Variants in NOSIP observed in about 807,000 individuals in gnomAD.
NOSIP encodes the protein nitric oxide synthase interacting protein, also known as nitric oxide synthase-interacting protein.
Under a neutral mutation model 36.4 loss-of-function variants are expected in NOSIP, and 25 were observed. The observed-to-expected ratio is 0.69, with a 90% confidence interval of 0.50 to 0.96. The LOEUF is 0.96. NOSIP is among the 40% of genes least tolerant of loss of function. The probability of loss-of-function intolerance (pLI) is 0.00; values close to 1 mark genes in which losing one functional copy is unlikely to be tolerated. For synonymous variants in NOSIP, 187 were observed against 179.2 expected, an observed-to-expected ratio of 1.04 and a Z score of -0.35; for missense variants, 370 against 429.0, an observed-to-expected ratio of 0.86 and a Z score of 1.21.
At chr19:49,558,593 A>G in intron 4 of NOSIP, 1 of 328,180 alleles carries the variant, frequency 3.0e-6, no homozygotes, top group Non-Finnish European at 5.8e-6. Flanking sequence ...CCTAAGCTAC[A>G]GGGTGGGAAA....
intron 1 of NOSIP, among the ~76,000 whole-genome samples, chr19:49,575,055 G>T (rs577286186): frequency 6.6e-6 from 1 of 152,054 alleles, no homozygotes; most frequent in Non-Finnish European, 1.5e-5. Context: ...AGTAGAGAGG[G>T]GGTTTCACCA....
At chr19:49,579,758 C>T (rs1032205717) in intron 1 of NOSIP, among the ~76,000 whole-genome samples, 2 of 152,030 alleles carry the variant, frequency 1.3e-5, no homozygotes, top group African/African-American at 2.4e-5. Flanking sequence ...ATGATGCCTA[C>T]GATTTGTTTT....
intron 1 of NOSIP, among the ~76,000 whole-genome samples, chr19:49,574,773 G>T (rs2080528950): frequency 6.6e-6 from 1 of 152,058 alleles, no homozygotes; most frequent in South Asian, 2.1e-4. Context: ...GAGTGCAGCG[G>T]CGGATCTCGC....
intron 1 of NOSIP, chr19:49,579,330 G>A (rs67546213): frequency 0.17 from 26,025 of 152,156 alleles, 2,422 homozygotes; most frequent in South Asian, 0.3. Context: ...GGTTTGGATT[G>A]AGCTCCTGCA....
At chr19:49,576,287 G>A (rs1432241948) in intron 1 of NOSIP, among the ~76,000 whole-genome samples, 1 of 151,922 alleles carries the variant, frequency 6.6e-6, no homozygotes, top group African/African-American at 2.4e-5. Context: ...GAACTCACGA[G>A]TTCAAGACCA....
In NOSIP at chr19:49,555,820, G is replaced by A. The variant is rs776589503; in HGVS notation, c.837C>T (p.Gly279=). The change falls in exon 9 of 9, where the codon GGC becomes GGT. Residue 279 remains glycine (G), a splice_region_variant and synonymous_variant. Coordinates refer to ENST00000596358, the MANE Select transcript of NOSIP (RefSeq NM_001270960.2). ...CTCCGGAGCCCGCGAAGCCGGTACC[G>A]CCCTGGGGGAGGTAGAGAGAAGGAC... ...TDRDIIVLQR[G]GTGFAGSGVK... is the part of the protein sequence containing the mutation. The A allele has an allele frequency of 3.7e-6, 6 of 1,612,432 alleles. No individual in the cohort carries two copies. The African/African-American group carries it at 5.3e-5, about 14-fold the overall frequency.
At chr19:49,555,850 T>TA in intron 8 of NOSIP, 28 bp from the exon 9 acceptor site, 1 of 1,587,852 alleles carries the variant, frequency 6.3e-7, no homozygotes, top group South Asian at 1.1e-5. Context: ...AAGGACGAGG[T>TA]AGAGGCCGGC....
At chr19:49,562,502 G>T (rs1324104089) in intron 1 of NOSIP, among the ~76,000 whole-genome samples, 1 of 152,108 alleles carries the variant, frequency 6.6e-6, no homozygotes, top group Non-Finnish European at 1.5e-5. Flanking sequence ...ACTTTGGGAG[G>T]CTGAAGCAAG....
intron 1 of NOSIP, among the ~76,000 whole-genome samples, chr19:49,572,668 A>T (rs1304429606): frequency 4.8e-5 from 1 of 21,000 alleles, no homozygotes; most frequent in East Asian, 1.2e-3. Flanking sequence ...CATTGGAGAT[A>T]CTTTAAAATA....
intron 1 of NOSIP, chr19:49,579,162 C>A (rs2080592169): frequency 6.6e-6 from 1 of 152,064 alleles, no homozygotes; most frequent in African/African-American, 2.4e-5. Context: ...TCCAACAAAC[C>A]CACAGTTACA....
At chr19:49,568,173 T>C (rs2080435594) in intron 1 of NOSIP, among the ~76,000 whole-genome samples, 1 of 152,112 alleles carries the variant, frequency 6.6e-6, no homozygotes, top group Non-Finnish European at 1.5e-5. Context: ...GAGAGAACAG[T>C]TTCACACGGG....
intron 3 of NOSIP, chr19:49,559,725 GAAGT>G (rs1599747645): frequency 5.1e-6 from 3 of 584,556 alleles, no homozygotes; most frequent in African/African-American, 3.7e-5. Context: ...CACCCCATTA[GAAGT>G]ATGTTCCTTT....
intron 1 of NOSIP, among the ~76,000 whole-genome samples, chr19:49,567,503 C>T (rs907702342): frequency 6.6e-6 from 1 of 152,062 alleles, no homozygotes; most frequent in Non-Finnish European, 1.5e-5. Flanking sequence ...CATGAGAGAG[C>T]CACTCCTCAC....
Position 49,556,962 on chromosome 19 carries a change from A to C in NOSIP, c.450T>G (p.Pro150=). The stretch of plus-strand genomic sequence containing the variant: ...GCACTTTGTCCTTGTCCTTACTTGG[A>C]GGACCCACACTGGGCCCAGGTTGGA... ...DDVQPGPSVG[P]PSKDKDKVLP... is the part of the protein sequence containing the mutation. The change falls in exon 6 of 9, where the codon CCT becomes CCG. Residue 150 remains proline (P), a synonymous_variant. Transcript: ENST00000596358. 1 of 1,611,986 alleles carries C rather than the reference A, an allele frequency of 6.2e-7. No individual in the cohort carries two copies. The highest frequency in any genetic ancestry group is 1.3e-5 in the African/African-American group (1 of 74,988).
intron 8 of NOSIP, 107 bp downstream of exon 8, chr19:49,556,210 G>T: frequency 1.7e-6 from 1 of 592,042 alleles, no homozygotes; most frequent in Admixed American, 2.4e-5. Context: ...GAAGAAGGCG[G>T]GGCCTTGGAG....
At chr19:49,563,827 T>C (rs1158907651) in intron 1 of NOSIP, among the ~76,000 whole-genome samples, 1 of 152,176 alleles carries the variant, frequency 6.6e-6, no homozygotes, top group Non-Finnish European at 1.5e-5. Flanking sequence ...CACCCTGTTA[T>C]ATGTCTCTGC....
chr19:49,565,580 C>G (rs561194068), intron 1 of NOSIP, among the ~76,000 whole-genome samples: 10 of 151,768 alleles, frequency 6.6e-5, no homozygotes, highest in African/African-American at 1.7e-4. Flanking sequence ...GAGACCCCAT[C>G]TCTACAAAAA....
intron 3 of NOSIP, 113 bp downstream of exon 3, chr19:49,559,818 ACTG>A: frequency 4.1e-6 from 3 of 723,520 alleles, no homozygotes; most frequent in Non-Finnish European, 7.6e-6. Flanking sequence ...CTGAGGATAA[ACTG>A]CTCATCCAGG....
intron 8 of NOSIP, among the ~76,000 whole-genome samples, chr19:49,556,094 G>GGGGCCTTAAAAATAGGGAAGGGGCA (rs200191784): frequency 4.3e-5 from 5 of 116,804 alleles, no homozygotes; most frequent in East Asian, 2.7e-4. Context: ...GGGAAGGGGC[G>GGGGCCTTAAAAATAGGGAAGGGGCA]GGGCCTTGAA....
Sources: gnomAD v4.1 joint callset for allele counts (sites outside exome capture counted in the v4.1 genomes callset) on GRCh38, gnomAD v4.1.1 for gene constraint, MANE v1.5 for transcripts, NCBI Gene and HGNC (gene_info 2026-07-23, HGNC 2026-07-21) for gene names.